Variants in FER1L6 observed in about 807,000 individuals in gnomAD.
FER1L6 encodes fer-1-like protein 6.
In FER1L6, 177 loss-of-function variants were observed where a neutral mutation model predicts 219.2. The observed-to-expected ratio is 0.81, with a 90% CI of 0.71 to 0.91. FER1L6 has a LOEUF of 0.91. Ranked by LOEUF, FER1L6 falls within the 40% of genes least tolerant of loss-of-function variation. The pLI is 0.00. For missense variants in FER1L6, 2,153 were observed against 2,259.9 expected (o/e 0.95, Z 0.96); for synonymous variants, 768 against 824.3 (o/e 0.93, Z 1.17).
intron 37 of FER1L6, among the ~76,000 whole-genome samples, chr8:124,099,769 A>G (rs1436685869): frequency 6.6e-6 from 1 of 152,158 alleles, no homozygotes; most frequent in Non-Finnish European, 1.5e-5. Context: ...CCAAATAACT[A>G]GCCCCTGCCT....
At position 123,955,971 on chromosome 8, in the gene FER1L6, C is replaced by G. The variant is rs377052109; in HGVS notation, c.-7-21C>G. 5 of 1,575,420 alleles carry G rather than the reference C, an allele frequency of 3.2e-6. No homozygotes were observed. In the African/African-American group the frequency reaches 5.4e-5, roughly 17 times the overall value. The stretch of plus-strand genomic sequence containing the variant: ...AAATGACTCAAAGTTTTTATTGTTT[C>G]TTTTTTTTTCTTCTTTTCAGAAAGG... On this transcript the variant is annotated intron_variant, in intron 1 of 40. Transcript: ENST00000522917.
At chr8:123,923,435 G>A (rs749634807) in intron 1 of FER1L6, among the ~76,000 whole-genome samples, 8 of 152,198 alleles carry the variant, frequency 5.3e-5, no homozygotes, top group Non-Finnish European at 8.8e-5. Flanking sequence ...TTGACTCTAA[G>A]CAACTTCATA....
intron 15 of FER1L6, among the ~76,000 whole-genome samples, chr8:124,015,599 A>ATG (rs1563745081): frequency 2.1e-5 from 2 of 96,006 alleles, no homozygotes; most frequent in African/African-American, 6.1e-5. Context: ...ATATATATAT[A>ATG]TATATATATA....
chr8:124,113,371 A>G (rs1431253068), intron 39 of FER1L6, among the ~76,000 whole-genome samples: 1 of 152,062 alleles, frequency 6.6e-6, no homozygotes, highest in African/African-American at 2.4e-5. Flanking sequence ...CTATTTTTTG[A>G]CTGAACAATT....
chr8:124,085,521 TG>T (rs1375076595), intron 33 of FER1L6, among the ~76,000 whole-genome samples: 1 of 152,212 alleles, frequency 6.6e-6, no homozygotes, highest in Non-Finnish European at 1.5e-5. Flanking sequence ...TCCATGTGTT[TG>T]TATAGTTTCC....
intron 1 of FER1L6, among the ~76,000 whole-genome samples, chr8:123,918,932 A>G (rs894528106): frequency 1.3e-5 from 2 of 152,152 alleles, no homozygotes; most frequent in African/African-American, 4.8e-5. Context: ...GGCCCCTGGC[A>G]TCCAAGGGCT....
chr8:124,003,594 G>A (rs1235402939), intron 13 of FER1L6, among the ~76,000 whole-genome samples: 1 of 149,144 alleles, frequency 6.7e-6, no homozygotes, highest in African/African-American at 2.5e-5. Context: ...TCAGCCTCCC[G>A]AGTATCTGGG....
intron 31 of FER1L6, among the ~76,000 whole-genome samples, chr8:124,073,387 A>G (rs996965973): frequency 6.6e-6 from 1 of 152,174 alleles, no homozygotes; most frequent in African/African-American, 2.4e-5. Flanking sequence ...TCCTAGGTAA[A>G]TTCACTACAG....
chr8:124,011,647 C>A (rs1437088678), intron 14 of FER1L6, among the ~76,000 whole-genome samples: 1 of 133,926 alleles, frequency 7.5e-6, no homozygotes. Context: ...CCATGCCTGA[C>A]TTTTTTTTTT....
Position 123,862,968 on chromosome 8 carries a change from C to T in FER1L6, c.-8+10783C>T, listed in dbSNP as rs372535265. Reference sequence around the variant, plus strand: ...TTGATTTTTTGAAGGGTTTTTTGTGCCTCTATTTCCTTCAGTTCTGCTCAG... The same window carrying T: ...TTGATTTTTTGAAGGGTTTTTTGTGTCTCTATTTCCTTCAGTTCTGCTCAG... On this transcript the variant is annotated intron_variant, in intron 1 of 40. Coordinates refer to ENST00000522917, the MANE Select transcript of FER1L6 (RefSeq NM_001039112.2). 7.6e-5 allele frequency among the ~76,000 whole-genome samples: 11 copies of T among 144,958 alleles called. No homozygotes were observed. In the East Asian group the frequency reaches 1.6e-3, roughly 20 times the overall value.
intron 32 of FER1L6, among the ~76,000 whole-genome samples, chr8:124,077,175 A>G (rs1368769065): frequency 6.6e-6 from 1 of 152,212 alleles, no homozygotes; most frequent in Non-Finnish European, 1.5e-5. Flanking sequence ...CTGACCTGCA[A>G]AGCAGCAACA....
intron 1 of FER1L6, among the ~76,000 whole-genome samples, chr8:123,912,244 T>G (rs1311000004): frequency 1.3e-5 from 2 of 151,142 alleles, no homozygotes; most frequent in Non-Finnish European, 2.9e-5. Flanking sequence ...ATGAAGAAAC[T>G]GAGACCCAGG....
At chr8:124,076,149 C>T (rs772767203) in intron 31 of FER1L6, 49 bp from the exon 32 acceptor site, 7 of 1,608,214 alleles carry the variant, frequency 4.4e-6, no homozygotes, top group African/African-American at 1.3e-5. Flanking sequence ...CAGTGTACAA[C>T]CAATGTTGAG....
chr8:123,929,096 C>T (rs987028105), intron 1 of FER1L6, among the ~76,000 whole-genome samples: 2 of 152,142 alleles, frequency 1.3e-5, no homozygotes, highest in Non-Finnish European at 2.9e-5. Context: ...TAGAGGTCCT[C>T]TAGAATGTTC....
intron 1 of FER1L6, among the ~76,000 whole-genome samples, chr8:123,927,338 G>C (rs942139256): frequency 9.9e-5 from 15 of 152,148 alleles, no homozygotes; most frequent in Non-Finnish European, 1.6e-4. Flanking sequence ...GCAATCGCTA[G>C]GTAAGGCAAG....
chr8:124,089,734 A>C (rs1821942619), intron 33 of FER1L6, among the ~76,000 whole-genome samples: 1 of 152,220 alleles, frequency 6.6e-6, no homozygotes, highest in Non-Finnish European at 1.5e-5. Context: ...TATTCCACTC[A>C]TGTAAAAGTT....
chr8:123,916,683 A>G (rs1214683553), intron 1 of FER1L6, among the ~76,000 whole-genome samples: 1 of 152,210 alleles, frequency 6.6e-6, no homozygotes, highest in East Asian at 1.9e-4. Flanking sequence ...CAAGGCTTAT[A>G]TCCAACCATG....
chr8:123,999,152 C>T (rs79084173), intron 12 of FER1L6, among the ~76,000 whole-genome samples: 189 of 152,260 alleles, frequency 1.2e-3, no homozygotes, highest in Non-Finnish European at 2.1e-3. Context: ...TAGTTAACAC[C>T]GCTGGGAATG....
At chr8:123,920,825 A>G (rs776319871) in intron 1 of FER1L6, among the ~76,000 whole-genome samples, 13 of 152,200 alleles carry the variant, frequency 8.5e-5, no homozygotes, top group Non-Finnish European at 1.8e-4. Flanking sequence ...TACCCATTGA[A>G]AAACAATTCC....
Sources: allele counts gnomAD v4.1 joint callset (sites outside exome capture counted in the v4.1 genomes callset), GRCh38; gene constraint gnomAD v4.1.1; transcripts MANE v1.5; gene names NCBI Gene and HGNC (gene_info 2026-07-23, HGNC 2026-07-21).